The following ERGIC1 variants were observed in gnomAD, a reference collection of about 807,000 sequenced individuals.
ERGIC1 encodes the protein endoplasmic reticulum-golgi intermediate compartment 1, also known as endoplasmic reticulum-Golgi intermediate compartment protein 1.
ERGIC1 carries 19 observed loss-of-function variants against 38.3 expected under a neutral mutation model. That is an observed-to-expected ratio of 0.50 (90% CI 0.35 to 0.73). The LOEUF (loss-of-function observed/expected upper bound fraction) is 0.73, where lower values mean the gene tolerates loss of function less well. Ranked by LOEUF, ERGIC1 falls within the 30% of genes least tolerant of loss-of-function variation. The pLI, the probability that ERGIC1 is intolerant of heterozygous loss-of-function variation, is 0.01. For missense variants in ERGIC1, 294 were observed against 389.2 expected, an observed-to-expected ratio of 0.76 and a Z score of 2.06; for synonymous variants, 124 against 157.6, an observed-to-expected ratio of 0.79 and a Z score of 1.60.
intron 1 of ERGIC1, among the ~76,000 whole-genome samples, chr5:172,871,387 C>T (rs1159201274): frequency 6.6e-6 from 1 of 152,234 alleles, no homozygotes; most frequent in Non-Finnish European, 1.5e-5. Flanking sequence ...ATCCCTGTGG[C>T]TGTTGTCTCA....
intron 9 of ERGIC1, among the ~76,000 whole-genome samples, chr5:172,941,932 C>T (rs1011839810): frequency 1.3e-5 from 2 of 152,150 alleles, no homozygotes; most frequent in East Asian, 1.9e-4. Context: ...CAAGGCCGGG[C>T]GCAGTGGCTC....
intron 3 of ERGIC1, among the ~76,000 whole-genome samples, chr5:172,899,463 A>G (rs1291702518): frequency 6.6e-6 from 1 of 151,994 alleles, no homozygotes; most frequent in African/African-American, 2.4e-5. Flanking sequence ...ATTACAGGCA[A>G]GCACCACCAT....
At chr5:172,949,473 CTGTG>C (rs1203139952) in intron 9 of ERGIC1, among the ~76,000 whole-genome samples, 10 of 152,124 alleles carry the variant, frequency 6.6e-5, no homozygotes, top group Non-Finnish European at 1.5e-4. Context: ...AGGGAAGGTG[CTGTG>C]TAAGTACTGT....
At chr5:172,928,675 T>C (rs531287003) in intron 7 of ERGIC1, among the ~76,000 whole-genome samples, 11 of 60,814 alleles carry the variant, frequency 1.8e-4, no homozygotes, top group African/African-American at 7.0e-4. Context: ...ATAGTAGGTA[T>C]ATGATCGATG....
intron 3 of ERGIC1, among the ~76,000 whole-genome samples, chr5:172,905,782 G>T (rs924605793): frequency 5.9e-5 from 9 of 152,190 alleles, no homozygotes; most frequent in Non-Finnish European, 1.2e-4. Flanking sequence ...TTAATAGAGT[G>T]AAAACAGAAC....
chr5:172,914,199 C>T (rs1202113079), intron 4 of ERGIC1, among the ~76,000 whole-genome samples: 2 of 138,766 alleles, frequency 1.4e-5, no homozygotes, highest in African/African-American at 5.5e-5. Flanking sequence ...CATGCCATTG[C>T]ACACCAGCCT....
intron 5 of ERGIC1, among the ~76,000 whole-genome samples, chr5:172,918,771 A>T (rs1763438307): frequency 6.6e-6 from 1 of 152,210 alleles, no homozygotes; most frequent in African/African-American, 2.4e-5. Flanking sequence ...CAGTGCCGGC[A>T]GGCAGGTGGG....
chr5:172,927,798 C>T (rs894518671), intron 7 of ERGIC1, among the ~76,000 whole-genome samples: 1 of 152,254 alleles, frequency 6.6e-6, no homozygotes, highest in East Asian at 1.9e-4. Flanking sequence ...CCAGGCTGGT[C>T]TTGAACTCCT....
Position 172,923,910 on chromosome 5 carries a change from T to C in ERGIC1, c.376-95T>C, listed in dbSNP as rs186821416. On this transcript the variant is annotated intron_variant, in intron 5 of 9. Coordinates refer to ENST00000393784, the MANE Select transcript of ERGIC1 (RefSeq NM_001031711.3). Reference sequence around the variant, plus strand: ...GGATCCAAACCCAGATCTGCCTGATTCCAGTGTCCTCCCTGGATCACACAG... The same window carrying C: ...GGATCCAAACCCAGATCTGCCTGATCCCAGTGTCCTCCCTGGATCACACAG... 27 of 1,097,974 alleles carry C rather than the reference T, an allele frequency of 2.5e-5. 1 individual carries two copies. The East Asian group carries it at 6.9e-4, about 28-fold the overall frequency. 68.0% of individuals were successfully genotyped at this position (1,097,974 alleles called of 1,614,324 possible).
intron 9 of ERGIC1, among the ~76,000 whole-genome samples, chr5:172,947,797 A>T (rs72814113): frequency 0.022 from 3,281 of 151,844 alleles, 45 homozygotes; most frequent in Non-Finnish European, 0.03. Context: ...ATGAAAGGAG[A>T]GTTGAGACTG....
chr5:172,913,039 G>A (rs1054125039), intron 4 of ERGIC1, among the ~76,000 whole-genome samples: 6 of 147,532 alleles, frequency 4.1e-5, no homozygotes, highest in Admixed American at 6.9e-5. Context: ...AAAGTGCTGC[G>A]ATTACCGGCG....
intron 4 of ERGIC1, among the ~76,000 whole-genome samples, chr5:172,911,879 T>C (rs531595269): frequency 6.6e-6 from 1 of 152,182 alleles, no homozygotes; most frequent in Admixed American, 6.5e-5. Flanking sequence ...CCCTCCCCTG[T>C]CCCCCTTCTT....
chr5:172,883,481 A>AGTT (rs1180896331), intron 1 of ERGIC1, among the ~76,000 whole-genome samples: 1 of 151,988 alleles, frequency 6.6e-6, no homozygotes, highest in Non-Finnish European at 1.5e-5. Flanking sequence ...AATGCCAGCC[A>AGTT]GTTTTTGTTT....
At position 172,834,580 on chromosome 5, in the gene ERGIC1, G is replaced by GCCCCC. The variant is rs68060196; in HGVS notation, c.20+152_20+156dup. ...GCAGGCCCCTAGGGACCCCAGGCGAGCCCCCCCCCTGCCGCACACGAAGCC... is the reference window on the plus strand; with the variant it reads ...GCAGGCCCCTAGGGACCCCAGGCGAGCCCCCCCCCCCCCCTGCCGCACACGAAGCC... On this transcript the variant is annotated intron_variant, in intron 1 of 9. Coordinates refer to ENST00000393784, the MANE Select transcript of ERGIC1 (RefSeq NM_001031711.3). The surrounding 1 kb of genome is among the most constrained non-coding windows in gnomAD (Gnocchi z 4.1). 5.2e-5 allele frequency: 28 copies of GCCCCC among 535,052 alleles called. No homozygotes were observed. In the African/African-American group the frequency reaches 6.1e-4, roughly 12 times the overall value. 33.1% of individuals were successfully genotyped at this position (535,052 alleles called of 1,614,324 possible).
chr5:172,932,380 G>A (rs985487806), intron 7 of ERGIC1, 56 bp from the exon 8 acceptor site: 11 of 1,562,614 alleles, frequency 7.0e-6, no homozygotes, highest in Admixed American at 5.1e-5. Flanking sequence ...ATGACATAGA[G>A]CTGTCAGCGG....
chr5:172,924,922 G>C (rs1015712456), intron 6 of ERGIC1, among the ~76,000 whole-genome samples: 4 of 152,118 alleles, frequency 2.6e-5, no homozygotes, highest in Admixed American at 1.3e-4. Context: ...TCCAGTCTAG[G>C]GGGGAAGACA....
intron 1 of ERGIC1, among the ~76,000 whole-genome samples, chr5:172,860,513 C>T (rs1449338732): frequency 6.6e-6 from 1 of 152,236 alleles, no homozygotes; most frequent in Admixed American, 6.5e-5. Context: ...CATCTGCCCC[C>T]CTCACCACTG....
intron 2 of ERGIC1, among the ~76,000 whole-genome samples, chr5:172,891,442 C>T (rs1762555330): frequency 6.6e-6 from 1 of 150,676 alleles, no homozygotes; most frequent in African/African-American, 2.4e-5. Context: ...TATATTTAGG[C>T]TGTTTTTTTT....
intron 1 of ERGIC1, among the ~76,000 whole-genome samples, chr5:172,843,451 C>T (rs544389003): frequency 1.3e-5 from 2 of 152,320 alleles, no homozygotes; most frequent in African/African-American, 4.8e-5. Flanking sequence ...TTTTATTATT[C>T]TTCACTAGAT....
Sources: gnomAD v4.1 joint callset for allele counts (sites outside exome capture counted in the v4.1 genomes callset) on GRCh38, gnomAD v4.1.1 for gene constraint, Gnocchi (gnomAD v3.1) non-coding constraint, MANE v1.5 for transcripts, NCBI Gene and HGNC (gene_info 2026-07-23, HGNC 2026-07-21) for gene names.